Variants in GABRA4 observed in about 807,000 individuals in gnomAD.
GABRA4 encodes gamma-aminobutyric acid receptor subunit alpha-4.
A neutral mutation model predicts 49.7 loss-of-function variants in GABRA4; 12 were observed. The observed-to-expected ratio is 0.24, with a 90% CI of 0.15 to 0.39. The LOEUF is 0.39. Ranked by LOEUF, GABRA4 falls within the 10% of genes least tolerant of loss-of-function variation. The probability of loss-of-function intolerance (pLI) is 1.00; values close to 1 mark genes in which losing one functional copy is unlikely to be tolerated. For missense variants in GABRA4, 506 were observed against 686.0 expected (o/e 0.74, Z 2.93); for synonymous variants, 288 against 240.2 (o/e 1.20, Z -1.84).
chr4:46,954,326 G>C (rs1171746080), intron 8 of GABRA4, among the ~76,000 whole-genome samples: 1 of 152,040 alleles, frequency 6.6e-6, no homozygotes, highest in Non-Finnish European at 1.5e-5. Context: ...GGAGGCGGAG[G>C]CTGGTGGATC....
In GABRA4 at chr4:46,920,085, AAATGT is replaced by A. The variant is rs1720924287; in HGVS notation, c.*8135_*8139del. ...TGTGTTAGCAACATCTGTAAAGACA[AAATGT>A]AGACTATAATTCACAAGTATAAAAG... On this transcript the variant is annotated 3_prime_UTR_variant, in exon 9 of 9. Transcript: ENST00000264318. 1 of 151,662 alleles carries A rather than the reference AAATGT, an allele frequency of 6.6e-6. No individual in the cohort carries two copies. The highest frequency in any genetic ancestry group is 2.4e-5 in the African/African-American group (1 of 41,404). 9.4% of individuals were successfully genotyped at this position (151,662 alleles called of 1,614,324 possible).
intron 7 of GABRA4, among the ~76,000 whole-genome samples, chr4:46,966,758 A>G (rs916578466): frequency 9.9e-5 from 15 of 151,826 alleles, no homozygotes; most frequent in Non-Finnish European, 2.2e-4. Context: ...GCTACACATC[A>G]TTTATAAAGA....
chr4:46,977,321 G>GGAGA lies in GABRA4; in HGVS notation c.494+88_494+89insTCTC, dbSNP rs1388192196. 1,052 of 720,978 alleles carry GGAGA rather than the reference G, an allele frequency of 1.5e-3. 13 individuals are homozygous for GGAGA. The highest frequency in any genetic ancestry group is 2.0e-3 in the Non-Finnish European group (902 of 448,996). The allele number at this position is 720,978 out of a possible 1,614,324, so 44.7% of individuals were successfully genotyped here. A position where few individuals can be genotyped will look rare whatever the true frequency, so the allele number is the denominator to read the frequency against. The stretch of plus-strand genomic sequence containing the variant: ...GGGAGGGAGGAAGGGAGGGAGGAAG[G>GGAGA]GAGGGAGGAAGGAAGGAAGGAAGGA... On this transcript the variant is annotated intron_variant, in intron 4 of 8. Coordinates refer to ENST00000264318, the MANE Select transcript of GABRA4 (RefSeq NM_000809.4).
intron 2 of GABRA4, among the ~76,000 whole-genome samples, chr4:46,979,377 C>A (rs1409462697): frequency 6.6e-6 from 1 of 151,976 alleles, no homozygotes; most frequent in African/African-American, 2.4e-5. Flanking sequence ...TTACAACAGG[C>A]AATGCAGAGA....
At chr4:46,940,488 G>A (rs1721751846) in intron 8 of GABRA4, among the ~76,000 whole-genome samples, 1 of 152,052 alleles carries the variant, frequency 6.6e-6, no homozygotes, top group Non-Finnish European at 1.5e-5. Flanking sequence ...TAGCAGAAGA[G>A]GATTCATTAA....
At chr4:46,947,875 T>A (rs539044745) in intron 8 of GABRA4, among the ~76,000 whole-genome samples, 3 of 152,118 alleles carry the variant, frequency 2.0e-5, no homozygotes, top group Admixed American at 1.3e-4. Context: ...GGAGGCTGGC[T>A]GGACTCAGGT....
chr4:46,944,720 G>T (rs547598074), intron 8 of GABRA4, among the ~76,000 whole-genome samples: 1 of 152,050 alleles, frequency 6.6e-6, no homozygotes, highest in East Asian at 1.9e-4. Flanking sequence ...CCTTTGAAAG[G>T]TTTATTCTGA....
intron 8 of GABRA4, among the ~76,000 whole-genome samples, chr4:46,942,942 C>T (rs10025379): frequency 0.24 from 36,585 of 151,956 alleles, 4,625 homozygotes; most frequent in East Asian, 0.29. Context: ...AACATCTAGA[C>T]GCATATAGCC....
chr4:46,955,055 G>A (rs1272639863), intron 8 of GABRA4, among the ~76,000 whole-genome samples: 1 of 152,144 alleles, frequency 6.6e-6, no homozygotes, highest in Non-Finnish European at 1.5e-5. Context: ...AAATGATGAT[G>A]ATGTTGATGA....
At chr4:46,954,099 C>T (rs934375039) in intron 8 of GABRA4, among the ~76,000 whole-genome samples, 6 of 152,058 alleles carry the variant, frequency 3.9e-5, no homozygotes, top group African/African-American at 1.4e-4. Flanking sequence ...AAGTAATAAG[C>T]ACAGTATAAT....
At chr4:46,990,645 A>C (rs59675437) in intron 2 of GABRA4, among the ~76,000 whole-genome samples, 16,139 of 152,234 alleles carry the variant, frequency 0.11, 933 homozygotes, top group South Asian at 0.19. Flanking sequence ...AGTTTAAAAC[A>C]TTTATGGGCA....
intron 8 of GABRA4, among the ~76,000 whole-genome samples, chr4:46,964,765 T>G (rs1722694162): frequency 6.6e-6 from 1 of 151,838 alleles, no homozygotes; most frequent in Non-Finnish European, 1.5e-5. Flanking sequence ...CGCCTACATC[T>G]AGCTCTGTCA....
In GABRA4 at chr4:46,925,654, T is replaced by C. The variant is rs1721194763; in HGVS notation, c.*2571A>G. ...TGGGTTATTGGGAAGATAGAAATAATGACCAAAATAAAAATCACTGAATGA... is the reference window on the plus strand; with the variant it reads ...TGGGTTATTGGGAAGATAGAAATAACGACCAAAATAAAAATCACTGAATGA... On this transcript the variant is annotated 3_prime_UTR_variant, in exon 9 of 9. Transcript: ENST00000264318. 1 of 150,798 alleles carries C rather than the reference T, an allele frequency of 6.6e-6. No individual in the cohort carries two copies. Among genetic ancestry groups the C allele is most frequent in the African/African-American group, 2.4e-5 (1 of 41,186 alleles). 9.3% of individuals were successfully genotyped at this position (150,798 alleles called of 1,614,324 possible).
chr4:46,971,358 C>A, intron 6 of GABRA4, 123 bp from the exon 7 acceptor site: 1 of 808,090 alleles, frequency 1.2e-6, no homozygotes, highest in Non-Finnish European at 2.1e-6. Flanking sequence ...TTGTGCATAG[C>A]TACACAAACA....
chr4:46,991,968 T>C (rs1723762896), intron 2 of GABRA4, among the ~76,000 whole-genome samples: 1 of 152,174 alleles, frequency 6.6e-6, no homozygotes, highest in Admixed American at 6.5e-5. Context: ...AACAGGGACT[T>C]TGAGATCAAA....
intron 6 of GABRA4, among the ~76,000 whole-genome samples, chr4:46,971,962 G>T (rs1234207218): frequency 1.3e-5 from 2 of 150,824 alleles, no homozygotes; most frequent in South Asian, 2.1e-4. Context: ...CTGTTGATAA[G>T]TGTTTTTACT....
Position 46,992,810 on chromosome 4 carries a change from G to T in GABRA4, c.205+18C>A, listed in dbSNP as rs746838308. ...AGGGACAGACAGGACACACTTGCGC[G>T]TTTGAAATCGTTCATACCCCCAAAT... On this transcript the variant is annotated intron_variant, in intron 2 of 8. Coordinates refer to ENST00000264318, the MANE Select transcript of GABRA4 (RefSeq NM_000809.4). 1.0e-5 allele frequency: 16 copies of T among 1,569,084 alleles called. No homozygotes were observed. Among genetic ancestry groups the T allele is most frequent in the Middle Eastern group, 1.7e-4 (1 of 5,976 alleles).
chr4:46,947,451 T>G (rs937052477), intron 8 of GABRA4, among the ~76,000 whole-genome samples: 1 of 151,874 alleles, frequency 6.6e-6, no homozygotes, highest in Non-Finnish European at 1.5e-5. Flanking sequence ...CACTAACATA[T>G]TCCAGTTTAA....
chr4:46,977,081 C>A lies in GABRA4; in HGVS notation c.557G>T (p.Cys186Phe). 6.2e-7 allele frequency: 1 copy of A among 1,608,248 alleles called. No homozygotes were observed. The highest frequency in any genetic ancestry group is 8.5e-7 in the Non-Finnish European group (1 of 1,176,104). ...CTTACAACTCCCGAATTTCAAAGGG[C>A]ATGCATGACCATCCATGGGAAAATC... ...LVDFPMDGHA[C>F]PLKFGSYAYP... The change falls in exon 5 of 9, where the codon TGC (cysteine) becomes TTC (phenylalanine). Residue 186 changes from cysteine (C) to phenylalanine (F), a missense_variant. By Grantham distance (205) the Cys-to-Phe change is radical. Coordinates refer to ENST00000264318, the MANE Select transcript of GABRA4 (RefSeq NM_000809.4).
Sources: allele counts gnomAD v4.1 joint callset (sites outside exome capture counted in the v4.1 genomes callset), GRCh38; gene constraint gnomAD v4.1.1; transcripts MANE v1.5; gene names NCBI Gene and HGNC (gene_info 2026-07-23, HGNC 2026-07-21).